The following KIF17 variants were observed in gnomAD, a reference collection of about 807,000 sequenced individuals.
KIF17 encodes kinesin-like protein KIF17.
KIF17 carries 80 observed loss-of-function variants against 96.8 expected under a neutral mutation model. The ratio of observed to expected loss-of-function variants is 0.83; its 90% confidence interval spans 0.69 to 1.00. The LOEUF is 1.00. Ranked by LOEUF, KIF17 falls within the 50% of genes least tolerant of loss-of-function variation. The pLI is 0.00. For missense variants in KIF17, 1,280 were observed against 1,372.9 expected (o/e 0.93, Z 1.07); for synonymous variants, 567 against 587.5 (o/e 0.97, Z 0.51).
At chr1:20,678,789 G>C (rs1183891200) in intron 11 of KIF17, among the ~76,000 whole-genome samples, 4 of 152,122 alleles carry the variant, frequency 2.6e-5, no homozygotes, top group African/African-American at 9.7e-5. Context: ...ATGAGAAACT[G>C]ATGGAAGAGA....
Position 20,709,914 on chromosome 1 carries a change from C to G in KIF17, c.481-86G>C, listed in dbSNP as rs2054408617. 2 of 1,258,782 alleles carry G rather than the reference C, an allele frequency of 1.6e-6. No homozygotes were observed. The highest frequency in any genetic ancestry group is 2.6e-5 in the South Asian group (2 of 78,366). 78.0% of individuals were successfully genotyped at this position (1,258,782 alleles called of 1,614,324 possible). A position where few individuals can be genotyped will look rare whatever the true frequency, so the allele number is the denominator to read the frequency against. ...TGGTCAAGGAACCAGAGAGAAGGGC[C>G]CCATCCAGACCGCCCTCGCCCTCCT... is the stretch of plus-strand genomic sequence containing the variant. On this transcript the variant is annotated intron_variant, in intron 3 of 14. Coordinates refer to ENST00000400463, the MANE Select transcript of KIF17 (RefSeq NM_001122819.3). This position sits in a 1 kb window ranked among gnomAD's most constrained non-coding sequence, Gnocchi z 4.7.
In KIF17 at chr1:20,690,344, GTGGGA is replaced by G; in HGVS notation, c.1234-14_1234-10del. The G allele has an allele frequency of 1.1e-5, 17 of 1,589,260 alleles. No homozygotes were observed. The highest frequency in any genetic ancestry group is 1.7e-5 in the Admixed American group (1 of 58,558). On this transcript the variant is annotated splice_polypyrimidine_tract_variant and intron_variant, in intron 6 of 14. Coordinates refer to ENST00000400463, the MANE Select transcript of KIF17 (RefSeq NM_001122819.3). ...AGGCGCTCTTCATACTCCTGGGGGG[GTGGGA>G]GGGACCAGAGGGCAGGCAGCATTTT...
At chr1:20,712,799 GATA>G (rs1398452662) in intron 3 of KIF17, among the ~76,000 whole-genome samples, 2 of 46,942 alleles carry the variant, frequency 4.3e-5, no homozygotes, top group African/African-American at 1.5e-4. Context: ...TATATAAATA[GATA>G]ATATCTATAT....
chr1:20,678,940 C>T (rs1418731096), intron 11 of KIF17, among the ~76,000 whole-genome samples: 1 of 147,758 alleles, frequency 6.8e-6, no homozygotes, highest in Non-Finnish European at 1.5e-5. Context: ...AAAAAATAAG[C>T]TTTCACCCCC....
intron 3 of KIF17, among the ~76,000 whole-genome samples, chr1:20,713,136 T>C (rs2054507573): frequency 6.7e-6 from 1 of 150,360 alleles, no homozygotes; most frequent in African/African-American, 2.4e-5. Flanking sequence ...GCTGGGACTG[T>C]AGGCATGCAC....
chr1:20,680,797 A>G (rs1169493861), intron 11 of KIF17, among the ~76,000 whole-genome samples: 3 of 152,044 alleles, frequency 2.0e-5, no homozygotes, highest in Non-Finnish European at 2.9e-5. Flanking sequence ...TCAACTGGAA[A>G]TATAACAAGG....
chr1:20,673,679 G>C (rs2053687847), intron 11 of KIF17, among the ~76,000 whole-genome samples: 1 of 151,850 alleles, frequency 6.6e-6, no homozygotes. Flanking sequence ...ACAGGTTTGA[G>C]TCACCACGCT....
intron 14 of KIF17, among the ~76,000 whole-genome samples, 197 bp downstream of exon 14, chr1:20,666,017 C>A (rs918797873): frequency 6.6e-6 from 1 of 152,214 alleles, no homozygotes; most frequent in African/African-American, 2.4e-5. Flanking sequence ...CACCAGCGCC[C>A]GGGCTGGGCC....
chr1:20,705,033 C>A, intron 4 of KIF17, 134 bp from the exon 5 acceptor site: 1 of 776,060 alleles, frequency 1.3e-6, no homozygotes, highest in Non-Finnish European at 2.2e-6. Flanking sequence ...CCCCAGGAAG[C>A]AGGTGCTATT....
chr1:20,697,963 G>T (rs566238370), intron 6 of KIF17, among the ~76,000 whole-genome samples: 25 of 152,136 alleles, frequency 1.6e-4, no homozygotes, highest in Admixed American at 1.6e-3. Flanking sequence ...ACTTGTCGTC[G>T]GCTGCTGGGG....
chr1:20,662,089 A>C (rs1224337331), downstream of KIF17, among the ~76,000 whole-genome samples: 1 of 152,224 alleles, frequency 6.6e-6, no homozygotes, highest in African/African-American at 2.4e-5. Flanking sequence ...TGTAAATAGG[A>C]CTAAGGACGA....
chr1:20,662,986 G>T (rs149185797), downstream of KIF17, among the ~76,000 whole-genome samples: 1 of 152,172 alleles, frequency 6.6e-6, no homozygotes, highest in Non-Finnish European at 1.5e-5. Context: ...CCAGCACTTT[G>T]GCAGGCCGAG....
chr1:20,712,472 A>G (rs984969519), intron 3 of KIF17, among the ~76,000 whole-genome samples: 4 of 147,898 alleles, frequency 2.7e-5, no homozygotes, highest in African/African-American at 1.0e-4. Flanking sequence ...GCTGAGGTGG[A>G]AGGCTCAAGG....
Position 20,717,529 on chromosome 1 carries a change from C to T in KIF17, c.178G>A (p.Val60Met), listed in dbSNP as rs1227456930. 1.2e-6 allele frequency: 2 copies of T among 1,611,656 alleles called. No individual in the cohort carries two copies. The highest frequency in any genetic ancestry group is 1.1e-5 in the South Asian group (1 of 90,980). The change falls in exon 1 of 15, where the codon GTG (valine) becomes ATG (methionine). Residue 60 changes from valine (V) to methionine (M), a missense_variant. By Grantham distance (21) the Val-to-Met change is conservative (BLOSUM62 1). Coordinates refer to ENST00000400463, the MANE Select transcript of KIF17 (RefSeq NM_001122819.3). ...TAGATCTGCTCGGTGACGTGGTCCA[C>T]GTGGTAGGCGCCGTCGAAGGTGAAC... is the stretch of plus-strand genomic sequence containing the variant. ...KQFTFDGAYHVDHVTEQIYNE... is the reference protein window; with the variant it reads ...KQFTFDGAYHMDHVTEQIYNE...
rs144991961 is a variant in KIF17, at chr1:20,713,453, C to T, written c.480+1G>A. On this transcript the variant is annotated splice_donor_variant, in intron 3 of 14. Coordinates refer to ENST00000400463, the MANE Select transcript of KIF17 (RefSeq NM_001122819.3). LOFTEE classifies it high-confidence loss of function. ...CCTGCCCACAATGGGTCTGCACCCA[C>T]CTCCAGCTTCTGCTTGGTGTCAGCC... is the stretch of plus-strand genomic sequence containing the variant. 12 of 1,611,670 alleles carry T rather than the reference C, an allele frequency of 7.4e-6. No homozygotes were observed. The highest frequency in any genetic ancestry group is 4.4e-5 in the South Asian group (4 of 91,010).
At position 20,687,257 on chromosome 1, in the gene KIF17, C is replaced by G; in HGVS notation, c.1938+131G>C. ...CCAGCCACCAGTGCCAGAGCCGCAGCAGACACAGTGGAGCCACGGCCTGAG... is the reference window on the plus strand; with the variant it reads ...CCAGCCACCAGTGCCAGAGCCGCAGGAGACACAGTGGAGCCACGGCCTGAG... On this transcript the variant is annotated intron_variant, in intron 8 of 14. Coordinates refer to ENST00000400463, the MANE Select transcript of KIF17 (RefSeq NM_001122819.3). This position sits in a 1 kb window ranked among gnomAD's most constrained non-coding sequence, Gnocchi z 4.4. The G allele has an allele frequency of 2.0e-6, 2 of 1,024,272 alleles. No homozygotes were observed. The allele number at this position is 1,024,272 out of a possible 1,614,324, so 63.4% of individuals were successfully genotyped here.
At position 20,715,458 on chromosome 1, in the gene KIF17, T is replaced by G. The variant is rs551485544; in HGVS notation, c.378+35A>C. 7 of 1,607,016 alleles carry G rather than the reference T, an allele frequency of 4.4e-6. 1 individual carries two copies. The African/African-American group carries it at 8.0e-5, about 18-fold the overall frequency. ...GAAGTGCTCTGGGCCCAGCTGCAGCTCTGGCCCTGCCCCTTCCCTCTGCGA... is the reference window on the plus strand; with the variant it reads ...GAAGTGCTCTGGGCCCAGCTGCAGCGCTGGCCCTGCCCCTTCCCTCTGCGA... On this transcript the variant is annotated intron_variant, in intron 2 of 14. Transcript: ENST00000400463.
rs59635021 is a variant in KIF17 at position 20,665,219 on chromosome 1, C to CTT, written c.2909-459_2909-458dup. Among the ~76,000 whole-genome samples, 440 of 61,274 alleles carry CTT rather than the reference C, an allele frequency of 7.2e-3. 25 individuals carry two copies. The highest frequency in any genetic ancestry group is 0.017 in the East Asian group (35 of 2,040). 40.2% of individuals were successfully genotyped at this position (61,274 alleles called of 152,430 possible). On this transcript the variant is annotated intron_variant, in intron 14 of 14. Transcript: ENST00000400463. The stretch of plus-strand genomic sequence containing the variant: ...TCAATATATAGAACTCAAATTTGCT[C>CTT]TTTTTTTTTTTTTTTTTTTTTTTTT...
intron 1 of KIF17, among the ~76,000 whole-genome samples, chr1:20,716,904 C>A (rs1189077602): frequency 1.3e-4 from 20 of 152,128 alleles, no homozygotes. Flanking sequence ...GGGGTGGATC[C>A]TGTATGGGTA....
Sources: gnomAD v4.1 joint callset for allele counts (sites outside exome capture counted in the v4.1 genomes callset) on GRCh38, gnomAD v4.1.1 for gene constraint, Gnocchi (gnomAD v3.1) non-coding constraint, MANE v1.5 for transcripts, NCBI Gene and HGNC (gene_info 2026-07-23, HGNC 2026-07-21) for gene names.